Variants in TRIM24 observed in about 807,000 individuals in gnomAD.
The protein encoded by TRIM24 is tripartite motif containing 24, also known as transcription intermediary factor 1-alpha.
Under a neutral mutation model 123.9 loss-of-function variants are expected in TRIM24, and 29 were observed. The ratio of observed to expected loss-of-function variants is 0.23; its 90% CI spans 0.17 to 0.32. The LOEUF (loss-of-function observed/expected upper bound fraction) is 0.32, where lower values mean the gene tolerates loss of function less well. Among genes scored for constraint, TRIM24 ranks in the 10% least tolerant of loss-of-function variants. TRIM24 has a pLI of 1.00. For missense variants in TRIM24, 932 were observed against 1,295.3 expected, an observed-to-expected ratio of 0.72 and a Z score of 4.31; for synonymous variants, 456 against 461.1, an observed-to-expected ratio of 0.99 and a Z score of 0.14.
At chr7:138,539,387 G>C (rs1796956200) in intron 7 of TRIM24, among the ~76,000 whole-genome samples, 1 of 152,090 alleles carries the variant, frequency 6.6e-6, no homozygotes, top group African/African-American at 2.4e-5. Flanking sequence ...CATTGGTCTA[G>C]AACCTTACTA....
intron 9 of TRIM24, among the ~76,000 whole-genome samples, chr7:138,565,548 C>T (rs1797518605): frequency 6.6e-6 from 1 of 152,208 alleles, no homozygotes; most frequent in African/African-American, 2.4e-5. Context: ...GCTCCAGTCT[C>T]ACAGGCGAAG....
intron 2 of TRIM24, among the ~76,000 whole-genome samples, chr7:138,508,724 T>TGTGTGTGC (rs1554436745): frequency 3.8e-4 from 56 of 148,814 alleles, no homozygotes; most frequent in Middle Eastern, 3.4e-3. Context: ...TGTGTGCGTG[T>TGTGTGTGC]GTGTGTGTGT....
intron 7 of TRIM24, among the ~76,000 whole-genome samples, chr7:138,549,150 G>A (rs913484053): frequency 6.6e-6 from 1 of 152,188 alleles, no homozygotes; most frequent in Non-Finnish European, 1.5e-5. Flanking sequence ...AGTAATGCCT[G>A]GTGCTGTGAT....
chr7:138,547,564 A>G (rs1023536390), intron 7 of TRIM24, among the ~76,000 whole-genome samples: 1 of 146,712 alleles, frequency 6.8e-6, no homozygotes, highest in Non-Finnish European at 1.5e-5. Context: ...AGATAAAACA[A>G]TTATTAAATT....
intron 1 of TRIM24, among the ~76,000 whole-genome samples, chr7:138,463,179 C>T (rs1009491806): frequency 2.6e-5 from 4 of 151,172 alleles, no homozygotes; most frequent in East Asian, 2.0e-4. Context: ...TGTGAGCCAC[C>T]GCACCTGGCC....
intron 6 of TRIM24, among the ~76,000 whole-genome samples, chr7:138,536,511 T>G (rs904259424): frequency 6.6e-6 from 1 of 152,362 alleles, no homozygotes; most frequent in Admixed American, 6.5e-5. Context: ...GGTATCAGCA[T>G]TGGAGGCTGC....
chr7:138,550,039 T>C (rs1797178444), intron 7 of TRIM24, among the ~76,000 whole-genome samples: 1 of 152,016 alleles, frequency 6.6e-6, no homozygotes. Context: ...ATACTGATGA[T>C]TCAAAAAGAA....
rs767962111 is a variant in TRIM24, at chr7:138,515,290, A to G, written c.562A>G (p.Ile188Val). The G allele has an allele frequency of 5.6e-6, 9 of 1,614,130 alleles. 1 individual carries two copies. The South Asian group carries it at 6.6e-5, about 12-fold the overall frequency. The part of the protein sequence containing the change: ...ECVEWLCKTC[I>V]RAHQRVKFTK... ...TGTTGAATGGCTCTGCAAGACGTGT[A>G]TCAGAGCTCATCAGAGGGTAAAGTT... The change falls in exon 3 of 19, where the codon ATC (isoleucine) becomes GTC (valine). Residue 188 changes from isoleucine (I) to valine (V), a missense_variant. Physicochemically the swap from Ile to Val is conservative, Grantham distance 29 (BLOSUM62 3). Coordinates refer to ENST00000343526, the MANE Select transcript of TRIM24 (RefSeq NM_015905.3).
chr7:138,502,964 C>G (rs528908238), intron 1 of TRIM24, among the ~76,000 whole-genome samples: 1 of 152,048 alleles, frequency 6.6e-6, no homozygotes, highest in African/African-American at 2.4e-5. Flanking sequence ...TATTCTCTTA[C>G]ATTTTCTTGT....
chr7:138,475,088 A>G (rs1244695847), intron 1 of TRIM24, among the ~76,000 whole-genome samples: 3 of 152,222 alleles, frequency 2.0e-5, no homozygotes, highest in African/African-American at 7.2e-5. Flanking sequence ...AAATGGTTTA[A>G]TAGGCTCATT....
At chr7:138,561,381 G>T (rs1171404764) in intron 9 of TRIM24, among the ~76,000 whole-genome samples, 1 of 152,192 alleles carries the variant, frequency 6.6e-6, no homozygotes, top group Non-Finnish European at 1.5e-5. Context: ...AATGAAGGGG[G>T]CCTCCTGGTT....
intron 2 of TRIM24, among the ~76,000 whole-genome samples, chr7:138,508,686 T>TGC (rs1168887347): frequency 2.0e-3 from 168 of 86,002 alleles, no homozygotes; most frequent in African/African-American, 2.5e-3. Context: ...TGTGTGTGTG[T>TGC]GTGTGTGCGC....
intron 3 of TRIM24, among the ~76,000 whole-genome samples, chr7:138,515,757 C>G (rs2116556797): frequency 6.6e-6 from 1 of 152,186 alleles, no homozygotes; most frequent in Admixed American, 6.5e-5. Context: ...ATGTGGATAG[C>G]CAGAGAGGCT....
Position 138,490,389 on chromosome 7 carries a change from C to G in TRIM24, c.365-13901C>G, listed in dbSNP as rs536923285. 2.0e-5 allele frequency among the ~76,000 whole-genome samples: 3 copies of G among 152,314 alleles called. No individual in the cohort carries two copies. The South Asian group carries it at 6.2e-4, about 32-fold the overall frequency. Reference sequence around the variant, plus strand: ...AAGTTATTCTCCGTCCAGCTTTGTTCCGTTGCTGGCGAGGAGCTGCGATCT... The same window carrying G: ...AAGTTATTCTCCGTCCAGCTTTGTTGCGTTGCTGGCGAGGAGCTGCGATCT... On this transcript the variant is annotated intron_variant, in intron 1 of 18. Coordinates refer to ENST00000343526, the MANE Select transcript of TRIM24 (RefSeq NM_015905.3).
intron 1 of TRIM24, among the ~76,000 whole-genome samples, chr7:138,498,431 G>T (rs574789898): frequency 2.0e-5 from 3 of 151,454 alleles, no homozygotes; most frequent in Non-Finnish European, 4.4e-5. Flanking sequence ...CACCATGTTG[G>T]CCAGGCTGGT....
At chr7:138,510,214 G>A (rs909706620) in intron 2 of TRIM24, among the ~76,000 whole-genome samples, 6 of 152,192 alleles carry the variant, frequency 3.9e-5, no homozygotes, top group East Asian at 1.9e-4. Flanking sequence ...AGCACTACCC[G>A]TTGTTAGACT....
At chr7:138,566,601 G>A (rs1291901758) in intron 9 of TRIM24, among the ~76,000 whole-genome samples, 1 of 152,122 alleles carries the variant, frequency 6.6e-6, no homozygotes, top group East Asian at 1.9e-4. Flanking sequence ...ACCCGAACAT[G>A]TTTTGGTAAT....
At chr7:138,544,320 G>T (rs910467618) in intron 7 of TRIM24, among the ~76,000 whole-genome samples, 3 of 152,024 alleles carry the variant, frequency 2.0e-5, no homozygotes, top group African/African-American at 7.3e-5. Flanking sequence ...TGTCCTCAAG[G>T]TTCATCCTTG....
intron 7 of TRIM24, among the ~76,000 whole-genome samples, chr7:138,549,069 A>G (rs1416941903): frequency 6.6e-6 from 1 of 152,234 alleles, no homozygotes; most frequent in African/African-American, 2.4e-5. Flanking sequence ...CCAGTAACAT[A>G]GTCATTTATT....
Sources: allele counts gnomAD v4.1 joint callset (sites outside exome capture counted in the v4.1 genomes callset), GRCh38; gene constraint gnomAD v4.1.1; transcripts MANE v1.5; gene names NCBI Gene and HGNC (gene_info 2026-07-23, HGNC 2026-07-21).